The following FAM228A variants were observed in gnomAD, a reference collection of about 807,000 sequenced individuals.
FAM228A encodes family with sequence similarity 228 member A, also known as protein FAM228A.
Under a neutral mutation model 18.6 loss-of-function variants are expected in FAM228A, and 13 were observed. The ratio of observed to expected loss-of-function variants is 0.70; its 90% CI spans 0.45 to 1.11. FAM228A has a LOEUF of 1.11. Among genes scored for constraint, FAM228A ranks in the 50% least tolerant of loss-of-function variants. The pLI is 0.00. For missense variants in FAM228A, 240 were observed against 242.2 expected (o/e 0.99, Z 0.06); for synonymous variants, 77 against 86.6 (o/e 0.89, Z 0.61).
intron 2 of FAM228A, 41 bp from the exon 3 acceptor site, chr2:24,177,742 TTGTCATTGTAGTTTGTTTC>T (rs1667726052): frequency 1.1e-6 from 1 of 952,120 alleles, no homozygotes; most frequent in African/African-American, 1.6e-5. Context: ...ACACTGAGTT[TTGTCATTGTAGTTTGTTTC>T]TTCAGGATTC....
chr2:24,181,486 G>A (rs151125369), intron 3 of FAM228A, among the ~76,000 whole-genome samples: 144 of 152,320 alleles, frequency 9.5e-4, no homozygotes, highest in Non-Finnish European at 1.7e-3. Context: ...CGGGGTTCAA[G>A]CAGTTCTCCT....
Position 24,190,467 on chromosome 2 carries a change from G to T in FAM228A, c.457G>T (p.Ala153Ser). The change falls in exon 6 of 6, where the codon GCC becomes TCC. Residue 153 changes from alanine to serine, a missense_variant. Ala to Ser is a moderately conservative substitution (Grantham distance 99). Coordinates refer to ENST00000295150, the MANE Select transcript of FAM228A (RefSeq NM_001040710.3). The part of the protein sequence containing the change: ...KKQKRKEKKT[A>S]DLSQAAFERQ... ...ACAGAAAAGAAAAGAGAAAAAGACG[G>T]CCGACCTAAGTCAGGCTGCGTTTGA... is the stretch of plus-strand genomic sequence containing the variant. 6.2e-7 allele frequency: 1 copy of T among 1,614,124 alleles called. No homozygotes were observed. The highest frequency in any genetic ancestry group is 8.5e-7 in the Non-Finnish European group (1 of 1,180,020).
At chr2:24,190,284 T>G in intron 5 of FAM228A, 128 bp from the exon 6 acceptor site, 1 of 1,163,762 alleles carries the variant, frequency 8.6e-7, no homozygotes, top group Non-Finnish European at 1.2e-6. Flanking sequence ...CAGCCACCAG[T>G]GATGGCTGGT....
At chr2:24,187,665 A>G (rs947413854) in intron 5 of FAM228A, among the ~76,000 whole-genome samples, 2 of 152,146 alleles carry the variant, frequency 1.3e-5, no homozygotes, top group Non-Finnish European at 2.9e-5. Context: ...AGAATGTCAT[A>G]TGGTTGGAAT....
chr2:24,188,727 C>A, intron 5 of FAM228A: 2 of 860,802 alleles, frequency 2.3e-6, no homozygotes, highest in Non-Finnish European at 2.8e-6. Flanking sequence ...AAGGCTCTCG[C>A]CTCTCTGGAA....
At chr2:24,189,981 G>A (rs887753777) in intron 5 of FAM228A, among the ~76,000 whole-genome samples, 1 of 152,258 alleles carries the variant, frequency 6.6e-6, no homozygotes, top group South Asian at 2.1e-4. Context: ...CCTCTTTGGG[G>A]CTATGTGGCA....
In FAM228A at chr2:24,191,320, G is replaced by A; in HGVS notation, c.*689G>A. The A allele has an allele frequency of 1.0e-6, 1 of 985,724 alleles. No individual in the cohort carries two copies. The highest frequency in any genetic ancestry group is 4.7e-5 in the South Asian group (1 of 21,282). The allele number at this position is 985,724 out of a possible 1,614,324, so 61.1% of individuals were successfully genotyped here. A position where few individuals can be genotyped will look rare whatever the true frequency, so the allele number is the denominator to read the frequency against. ...CCTCACCACCACACACACAGGATGGGGGACTGCTGCTGCTTTCCAGCCTGT... is the reference window on the plus strand; with the variant it reads ...CCTCACCACCACACACACAGGATGGAGGACTGCTGCTGCTTTCCAGCCTGT... On this transcript the variant is annotated 3_prime_UTR_variant, in exon 6 of 6. Transcript: ENST00000295150.
intron 5 of FAM228A, among the ~76,000 whole-genome samples, chr2:24,184,212 T>G (rs1405174122): frequency 6.6e-6 from 1 of 152,042 alleles, no homozygotes; most frequent in African/African-American, 2.4e-5. Context: ...AAACTCCATC[T>G]CTACTAAAAA....
chr2:24,183,268 T>C lies in FAM228A; in HGVS notation c.163-17T>C. ...AGACTGCACTCTGGTACTCAAAGAG[T>C]CTCATTTCTCTTGTAGGTTACAGTC... is the stretch of plus-strand genomic sequence containing the variant. On this transcript the variant is annotated splice_polypyrimidine_tract_variant and intron_variant, in intron 3 of 5. Coordinates refer to ENST00000295150, the MANE Select transcript of FAM228A (RefSeq NM_001040710.3). 6.4e-7 allele frequency: 1 copy of C among 1,573,478 alleles called. No homozygotes were observed. The highest frequency in any genetic ancestry group is 8.7e-7 in the Non-Finnish European group (1 of 1,143,184).
intron 5 of FAM228A, among the ~76,000 whole-genome samples, chr2:24,184,271 T>G (rs768064660): frequency 6.6e-6 from 1 of 151,548 alleles, no homozygotes; most frequent in Non-Finnish European, 1.5e-5. Context: ...TCCCAGCTAC[T>G]CGGGAGACTG....
Position 24,190,774 on chromosome 2 carries a change from G to A in FAM228A, c.*143G>A, listed in dbSNP as rs565057802. 1.5e-6 allele frequency: 2 copies of A among 1,337,938 alleles called. No homozygotes were observed. The highest frequency in any genetic ancestry group is 3.0e-5 in the African/African-American group (2 of 67,576). The allele number at this position is 1,337,938 out of a possible 1,614,324, so 82.9% of individuals were successfully genotyped here. ...CAGCTCTGACAGGGCCCCTCGGGCG[G>A]GGAAGCCTTGCATGAAGAAACTCAG... On this transcript the variant is annotated 3_prime_UTR_variant, in exon 6 of 6. Transcript: ENST00000295150.
rs2151051192 is a variant in FAM228A, at chr2:24,191,513, G to A, written c.*882G>A. 2 of 984,470 alleles carry A rather than the reference G, an allele frequency of 2.0e-6. No homozygotes were observed. Among genetic ancestry groups the A allele is most frequent in the Non-Finnish European group, 2.4e-6 (2 of 829,082 alleles). 61.0% of individuals were successfully genotyped at this position (984,470 alleles called of 1,614,324 possible). On this transcript the variant is annotated 3_prime_UTR_variant, in exon 6 of 6. Transcript: ENST00000295150. Reference sequence around the variant, plus strand: ...GAGCACAGGGAGCTCCTCATTCCATGTATTTTTCAAATATTCAAGATGTAC... The same window carrying A: ...GAGCACAGGGAGCTCCTCATTCCATATATTTTTCAAATATTCAAGATGTAC...
rs187938077 is a variant in FAM228A, at chr2:24,175,693, G to A, written c.93+120G>A. ...TGTGACAGTGCCTGCTTTAAAGCAG[G>A]CGTTGAAGGGGAATGTTCGGGCTCA... On this transcript the variant is annotated intron_variant, in intron 2 of 5. Transcript: ENST00000295150. 274 of 816,674 alleles carry A rather than the reference G, an allele frequency of 3.4e-4. 1 individual carries two copies. In the African/African-American group the frequency reaches 4.2e-3, roughly 12 times the overall value. The allele number at this position is 816,674 out of a possible 1,614,324, so 50.6% of individuals were successfully genotyped here.
rs377647308 is a variant in FAM228A at position 24,183,691 on chromosome 2, A to C, written c.401+46A>C. ...CAAATATTTGTTTAACTTGCAACTT[A>C]CTTTATTTCCTACTGAAGCTCTTGT... On this transcript the variant is annotated intron_variant, in intron 5 of 5. Transcript: ENST00000295150. 6.0e-6 allele frequency: 9 copies of C among 1,509,672 alleles called. No homozygotes were observed. In the African/African-American group the frequency reaches 1.3e-4, roughly 21 times the overall value. 93.5% of individuals were successfully genotyped at this position (1,509,672 alleles called of 1,614,324 possible).
rs1345497524 is a variant in FAM228A at position 24,177,814 on chromosome 2, G to C, written c.106G>C (p.Glu36Gln). Reference sequence around the variant, plus strand: ...TCTGTAATTTTAGGTATTAGCTAGAGAAGACATTGATGAAGCAGTATGTGC... The same window carrying C: ...TCTGTAATTTTAGGTATTAGCTAGACAAGACATTGATGAAGCAGTATGTGC... The part of the protein sequence containing the change: ...SVSLMEVLAR[E>Q]DIDEAVCAIL... The change falls in exon 3 of 6, where the codon GAA (glutamate) becomes CAA (glutamine). Residue 36 changes from glutamate (E) to glutamine (Q), a missense_variant. Transcript: ENST00000295150. 6.3e-7 allele frequency: 1 copy of C among 1,585,942 alleles called. No homozygotes were observed. The highest frequency in any genetic ancestry group is 8.6e-7 in the Non-Finnish European group (1 of 1,156,998).
At chr2:24,190,349 C>T in intron 5 of FAM228A, 63 bp from the exon 6 acceptor site, 1 of 1,489,944 alleles carries the variant, frequency 6.7e-7, no homozygotes, top group South Asian at 1.4e-5. Flanking sequence ...TCTTCGGAAA[C>T]TATTTGATGG....
chr2:24,188,644 A>G (rs892369296), intron 5 of FAM228A: 2 of 985,296 alleles, frequency 2.0e-6, no homozygotes, highest in Admixed American at 1.2e-4. Context: ...CTTGGTACTT[A>G]ATATTGGTGA....
At chr2:24,186,842 G>T (rs1237304782) in intron 5 of FAM228A, among the ~76,000 whole-genome samples, 1 of 152,102 alleles carries the variant, frequency 6.6e-6, no homozygotes, top group East Asian at 1.9e-4. Context: ...TTTCACGTTG[G>T]TCAGGCTGGT....
Position 24,177,889 on chromosome 2 carries a change from C to T in FAM228A, c.162+19C>T, listed in dbSNP as rs1316308851. The T allele has an allele frequency of 6.6e-7, 1 of 1,524,490 alleles. No homozygotes were observed. Among genetic ancestry groups the T allele is most frequent in the Non-Finnish European group, 9.1e-7 (1 of 1,102,912 alleles). The allele number at this position is 1,524,490 out of a possible 1,614,324, so 94.4% of individuals were successfully genotyped here. A position where few individuals can be genotyped will look rare whatever the true frequency, so the allele number is the denominator to read the frequency against. On this transcript the variant is annotated intron_variant, in intron 3 of 5. Coordinates refer to ENST00000295150, the MANE Select transcript of FAM228A (RefSeq NM_001040710.3). ...TGTGAAGGTAAGAGTTGGCTCCACG[C>T]TGCATTCTACATATGTTCTAGGGGA... is the stretch of plus-strand genomic sequence containing the variant.
Sources: allele counts gnomAD v4.1 joint callset (sites outside exome capture counted in the v4.1 genomes callset), GRCh38; gene constraint gnomAD v4.1.1; transcripts MANE v1.5; gene names NCBI Gene and HGNC (gene_info 2026-07-23, HGNC 2026-07-21).